Variants in RYR2 observed in about 807,000 individuals in gnomAD.
The protein encoded by RYR2 is ryanodine receptor 2.
A neutral mutation model predicts 601.1 loss-of-function variants in RYR2; 227 were observed. That is an observed-to-expected ratio of 0.38 (90% CI 0.34 to 0.42). RYR2 has a LOEUF of 0.42. RYR2 is among the 10% of genes least tolerant of loss of function. RYR2 has a pLI of 1.00. For synonymous variants in RYR2, 2,223 were observed against 2,175.1 expected, an observed-to-expected ratio of 1.02 and a Z score of -0.61; for missense variants, 4,646 against 6,156.5, an observed-to-expected ratio of 0.75 and a Z score of 8.21.
At chr1:237,360,598 G>C (rs1290520606) in intron 4 of RYR2, among the ~76,000 whole-genome samples, 3 of 152,238 alleles carry the variant, frequency 2.0e-5, no homozygotes, top group Middle Eastern at 3.4e-3. Flanking sequence ...GCTGTTTATA[G>C]GTTGAAAAAG....
intron 2 of RYR2, among the ~76,000 whole-genome samples, chr1:237,299,060 A>G (rs865960525): frequency 6.6e-6 from 1 of 151,696 alleles, no homozygotes; most frequent in Admixed American, 6.6e-5. Context: ...AAATTATTCA[A>G]CACATATCTA....
At chr1:237,261,096 G>C (rs1192197473) in intron 1 of RYR2, among the ~76,000 whole-genome samples, 2 of 152,126 alleles carry the variant, frequency 1.3e-5, no homozygotes, top group Non-Finnish European at 2.9e-5. Flanking sequence ...AGCAATGATG[G>C]GATAAATGAG....
At chr1:237,439,153 T>C (rs1006670909) in intron 12 of RYR2, among the ~76,000 whole-genome samples, 1 of 152,220 alleles carries the variant, frequency 6.6e-6, no homozygotes, top group Non-Finnish European at 1.5e-5. Context: ...CATGCTGTAC[T>C]TCAGCTTACG....
Position 237,454,431 on chromosome 1 carries a change from G to A in RYR2, c.1333G>A (p.Val445Ile). The A allele has an allele frequency of 6.2e-7, 1 of 1,612,998 alleles. No individual in the cohort carries two copies. The highest frequency in any genetic ancestry group is 8.5e-7 in the Non-Finnish European group (1 of 1,179,420). ...CAGCAAGAAAGCGAAGGCTTCCACA[G>A]TCGATTTGCCTATAGAGTCCGTAAG... is the stretch of plus-strand genomic sequence containing the variant. ...ALSKKAKAST[V>I]DLPIESVSLS... The change falls in exon 15 of 105, where the codon GTC becomes ATC. Residue 445 changes from valine to isoleucine, a missense_variant. Val to Ile is a conservative substitution (Grantham distance 29, BLOSUM62 3). Transcript: ENST00000366574.
chr1:237,793,213 T>A lies in RYR2; in HGVS notation c.13783-654T>A, dbSNP rs551244416. On this transcript the variant is annotated intron_variant, in intron 94 of 104. Coordinates refer to ENST00000366574, the MANE Select transcript of RYR2 (RefSeq NM_001035.3). ...ATGTAAAGAGTTATTCAGGAACTCC[T>A]TTCCTCCCGTTTATTCTGTTTTATG... Among the ~76,000 whole-genome samples, 4 of 152,330 alleles carry A rather than the reference T, an allele frequency of 2.6e-5. No individual in the cohort carries two copies. The East Asian group carries it at 5.8e-4, about 22-fold the overall frequency.
intron 1 of RYR2, among the ~76,000 whole-genome samples, chr1:237,116,691 G>A (rs1304876522): frequency 6.6e-6 from 1 of 152,108 alleles, no homozygotes; most frequent in Non-Finnish European, 1.5e-5. Context: ...TTCAGTTGGA[G>A]TCTGAAGAGA....
At chr1:237,724,918 A>G (rs953080190) in intron 74 of RYR2, among the ~76,000 whole-genome samples, 1 of 152,092 alleles carries the variant, frequency 6.6e-6, no homozygotes, top group Admixed American at 6.6e-5. Context: ...AATATATCCA[A>G]TCATGATGAA....
chr1:237,814,956 T>C (rs987665324), intron 100 of RYR2, among the ~76,000 whole-genome samples: 4 of 138,960 alleles, frequency 2.9e-5, no homozygotes, highest in Non-Finnish European at 6.1e-5. Context: ...TGCTCCTTTT[T>C]TCTTTTTTCT....
chr1:237,070,991 G>A (rs1664245431), intron 1 of RYR2, among the ~76,000 whole-genome samples: 1 of 152,208 alleles, frequency 6.6e-6, no homozygotes, highest in South Asian at 2.1e-4. Flanking sequence ...GTGGTGAGTG[G>A]GGGGCATGTT....
chr1:237,316,658 T>C (rs999555919), intron 2 of RYR2, among the ~76,000 whole-genome samples: 15 of 152,222 alleles, frequency 9.9e-5, no homozygotes, highest in African/African-American at 3.6e-4. Context: ...GTTCCTCCTT[T>C]ACCCTCAGTG....
chr1:237,140,750 A>G (rs768021839), intron 1 of RYR2, among the ~76,000 whole-genome samples: 1 of 152,214 alleles, frequency 6.6e-6, no homozygotes, highest in Non-Finnish European at 1.5e-5. Flanking sequence ...ACTCTGAACC[A>G]TTACAGGTGT....
chr1:237,765,706 G>A (rs1033434338), intron 84 of RYR2, among the ~76,000 whole-genome samples: 1 of 152,114 alleles, frequency 6.6e-6, no homozygotes, highest in Admixed American at 6.6e-5. Context: ...ACCTTATTCT[G>A]CCATTCTTGT....
chr1:237,300,654 G>T (rs1302458763), intron 2 of RYR2, among the ~76,000 whole-genome samples: 1 of 152,184 alleles, frequency 6.6e-6, no homozygotes, highest in Non-Finnish European at 1.5e-5. Context: ...GTTAGGCAAA[G>T]CGCTTCGCTC....
chr1:237,797,553 G>A (rs1031625184), intron 96 of RYR2, among the ~76,000 whole-genome samples: 15 of 152,208 alleles, frequency 9.9e-5, no homozygotes, highest in Admixed American at 8.5e-4. Context: ...GTCAGGCATG[G>A]CCTGGTTGCT....
At chr1:237,603,353 G>A (rs1676722881) in intron 35 of RYR2, among the ~76,000 whole-genome samples, 1 of 152,130 alleles carries the variant, frequency 6.6e-6, no homozygotes, top group African/African-American at 2.4e-5. Context: ...TCCCAGCAAG[G>A]GGACAGAGTG....
At chr1:237,443,902 T>C (rs927741143) in intron 13 of RYR2, among the ~76,000 whole-genome samples, 2 of 152,168 alleles carry the variant, frequency 1.3e-5, no homozygotes, top group African/African-American at 4.8e-5. Context: ...AACCAGCTGG[T>C]CCTAGGTCTT....
chr1:237,368,819 A>G lies in RYR2; in HGVS notation c.310-715A>G, dbSNP rs538996979. On this transcript the variant is annotated intron_variant, in intron 5 of 104. Transcript: ENST00000366574. ...TCAACGTTTATTTATTTATTTATTT[A>G]TTTATTTATTTATTTATTTATTAAG... Among the ~76,000 whole-genome samples the G allele has an allele frequency of 2.8e-3, 430 of 150,974 alleles. 3 individuals are homozygous for G. Among genetic ancestry groups the G allele is most frequent in the Middle Eastern group, 6.8e-3 (2 of 294 alleles).
At chr1:237,212,116 A>G (rs1682649340) in intron 1 of RYR2, among the ~76,000 whole-genome samples, 1 of 152,172 alleles carries the variant, frequency 6.6e-6, no homozygotes, top group Non-Finnish European at 1.5e-5. Context: ...TGTTGTTTAC[A>G]AAGAAAGTTC....
Position 237,833,643 on chromosome 1 carries a change from T to C in RYR2, c.*996T>C, listed in dbSNP as rs901241655. 1.3e-5 allele frequency: 2 copies of C among 152,634 alleles called. No individual in the cohort carries two copies. The highest frequency in any genetic ancestry group is 6.5e-5 in the Admixed American group (1 of 15,272). 9.5% of individuals were successfully genotyped at this position (152,634 alleles called of 1,614,324 possible). On this transcript the variant is annotated 3_prime_UTR_variant, in exon 105 of 105. Coordinates refer to ENST00000366574, the MANE Select transcript of RYR2 (RefSeq NM_001035.3). Reference sequence around the variant, plus strand: ...CCAGTGTCATCCACCAACAATGTGATACAATATGAACTTGACAGTAGTTTT... The same window carrying C: ...CCAGTGTCATCCACCAACAATGTGACACAATATGAACTTGACAGTAGTTTT...
Sources: gnomAD v4.1 joint callset for allele counts (sites outside exome capture counted in the v4.1 genomes callset) on GRCh38, gnomAD v4.1.1 for gene constraint, MANE v1.5 for transcripts, NCBI Gene and HGNC (gene_info 2026-07-23, HGNC 2026-07-21) for gene names.